SLC23A2: variants seen among roughly 807,000 people sequenced by gnomAD.
SLC23A2 encodes solute carrier family 23 member 2.
SLC23A2 carries 36 observed loss-of-function variants against 73.3 expected under a neutral mutation model. The observed-to-expected ratio is 0.49, with a 90% confidence interval of 0.38 to 0.65. SLC23A2 has a LOEUF of 0.65. Ranked by LOEUF, SLC23A2 falls within the 30% of genes least tolerant of loss-of-function variation. The probability of loss-of-function intolerance (pLI) is 0.00; values close to 1 mark genes in which losing one functional copy is unlikely to be tolerated. For synonymous variants in SLC23A2, 343 were observed against 327.3 expected (o/e 1.05, Z -0.52); for missense variants, 507 against 841.6 (o/e 0.60, Z 4.92).
intron 6 of SLC23A2, among the ~76,000 whole-genome samples, chr20:4,897,687 C>T (rs894228418): frequency 6.6e-6 from 1 of 152,138 alleles, no homozygotes; most frequent in Non-Finnish European, 1.5e-5. Context: ...CCCTCTGTGA[C>T]CAAAAGTATT....
intron 2 of SLC23A2, among the ~76,000 whole-genome samples, chr20:4,953,992 C>T (rs1274228063): frequency 6.6e-6 from 1 of 151,914 alleles, no homozygotes; most frequent in Non-Finnish European, 1.5e-5. Flanking sequence ...ATGTCAGACA[C>T]AGTGGAATTC....
At chr20:4,892,360 T>C (rs1931363569) in intron 6 of SLC23A2, among the ~76,000 whole-genome samples, 1 of 152,048 alleles carries the variant, frequency 6.6e-6, no homozygotes, top group Non-Finnish European at 1.5e-5. Context: ...CTAATTTCTG[T>C]ACTTTTAGTA....
At chr20:4,881,857 CCT>C (rs746150172) in intron 9 of SLC23A2, among the ~76,000 whole-genome samples, 14 of 152,126 alleles carry the variant, frequency 9.2e-5, no homozygotes, top group Non-Finnish European at 1.6e-4. Flanking sequence ...GTTTCAATTT[CCT>C]CTCTGAGAGT....
chr20:4,982,029 CT>C (rs1365132048), intron 1 of SLC23A2, among the ~76,000 whole-genome samples: 2 of 147,386 alleles, frequency 1.4e-5, no homozygotes, highest in African/African-American at 5.0e-5. Context: ...GAGTCTTGCT[CT>C]GTCACCCAGG....
intron 6 of SLC23A2, among the ~76,000 whole-genome samples, chr20:4,897,622 G>A (rs766399013): frequency 8.5e-5 from 13 of 152,146 alleles, no homozygotes; most frequent in Admixed American, 1.3e-4. Flanking sequence ...GGTGAACCAC[G>A]CTGACCCAGG....
At chr20:4,986,105 CA>C (rs1378991416) in intron 1 of SLC23A2, among the ~76,000 whole-genome samples, 1 of 152,082 alleles carries the variant, frequency 6.6e-6, no homozygotes, top group East Asian at 1.9e-4. Context: ...AGGTCTATAT[CA>C]ATTTAGGGCA....
At chr20:4,975,922 C>G (rs1003092529) in intron 1 of SLC23A2, among the ~76,000 whole-genome samples, 23 of 148,634 alleles carry the variant, frequency 1.5e-4, no homozygotes, top group African/African-American at 5.5e-4. Context: ...GGCGCGATCT[C>G]GGCTCACTGC....
At chr20:4,961,245 C>T (rs762201865) in intron 2 of SLC23A2, among the ~76,000 whole-genome samples, 1 of 151,950 alleles carries the variant, frequency 6.6e-6, no homozygotes, top group Non-Finnish European at 1.5e-5. Flanking sequence ...CCATGCCCAG[C>T]TAATTTTTTG....
intron 12 of SLC23A2, chr20:4,869,675 G>A: frequency 2.1e-6 from 1 of 481,188 alleles, no homozygotes; most frequent in East Asian, 3.3e-5. Context: ...AGGAAGGGTA[G>A]GAATTCCGTT....
intron 13 of SLC23A2, among the ~76,000 whole-genome samples, chr20:4,867,057 T>TA (rs71197732): frequency 0.48 from 36,827 of 76,366 alleles, 10,341 homozygotes; most frequent in Non-Finnish European, 0.59. Flanking sequence ...AAGCGATCCC[T>TA]AAAAAAAAAA....
chr20:4,870,073 A>G lies in SLC23A2; in HGVS notation c.1103-20T>C. The G allele has an allele frequency of 6.3e-7, 1 of 1,580,374 alleles. No individual in the cohort carries two copies. Among genetic ancestry groups the G allele is most frequent in the South Asian group, 1.2e-5 (1 of 85,872 alleles). ...ACTGAACTGTGGGAGGAAAACAACC[A>G]TGAATGCTCCTAGAGAGGCAGGCGA... On this transcript the variant is annotated intron_variant, in intron 11 of 16. Coordinates refer to ENST00000338244, the MANE Select transcript of SLC23A2 (RefSeq NM_005116.6).
intron 2 of SLC23A2, among the ~76,000 whole-genome samples, chr20:4,956,800 CTTTTTT>C (rs759658782): frequency 8.0e-5 from 9 of 111,934 alleles, no homozygotes; most frequent in African/African-American, 2.8e-4. Context: ...CTTCCCTCTT[CTTTTTT>C]TTTTTTTTTT....
intron 2 of SLC23A2, among the ~76,000 whole-genome samples, chr20:4,940,275 G>C (rs370135216): frequency 1.3e-5 from 2 of 151,706 alleles, no homozygotes; most frequent in Non-Finnish European, 2.9e-5. Flanking sequence ...AGATCATGCC[G>C]CTTCACTACA....
rs1314717939 is a variant in SLC23A2 at position 4,899,481 on chromosome 20, G to A, written c.482+74C>T. 3.4e-5 allele frequency: 51 copies of A among 1,507,122 alleles called. No homozygotes were observed. The highest frequency in any genetic ancestry group is 2.1e-4 in the Middle Eastern group (1 of 4,722). The allele number at this position is 1,507,122 out of a possible 1,614,324, so 93.4% of individuals were successfully genotyped here. The stretch of plus-strand genomic sequence containing the variant: ...TCCTTGCCAACAGCCCTAGGCAAAC[G>A]GCGCAGCTCAATGCCTTCTGCGCTC... On this transcript the variant is annotated intron_variant, in intron 6 of 16. Coordinates refer to ENST00000338244, the MANE Select transcript of SLC23A2 (RefSeq NM_005116.6). The surrounding 1 kb of genome is among the most constrained non-coding windows in gnomAD (Gnocchi z 4.9).
chr20:4,873,157 C>T (rs1289904213), intron 11 of SLC23A2, among the ~76,000 whole-genome samples: 2 of 152,190 alleles, frequency 1.3e-5, no homozygotes, highest in Non-Finnish European at 1.5e-5. Flanking sequence ...TTTAACCCAA[C>T]CTTAAAATTC....
At chr20:4,904,532 A>T (rs1173965550) in intron 4 of SLC23A2, among the ~76,000 whole-genome samples, 2 of 152,102 alleles carry the variant, frequency 1.3e-5, no homozygotes, top group Non-Finnish European at 2.9e-5. Flanking sequence ...CTCATAAATC[A>T]CAGAACCTGA....
At position 4,912,892 on chromosome 20, in the gene SLC23A2, G is replaced by T. The variant is rs772507490; in HGVS notation, c.195C>A (p.Gly65=). Reference sequence around the variant, plus strand: ...ACGGAAGGGGTACCTTTTCTGCAATGCCGTTTTCCGTAGTGTAGATCGCCA... The same window carrying T: ...ACGGAAGGGGTACCTTTTCTGCAATTCCGTTTTCCGTAGTGTAGATCGCCA... The part of the protein sequence containing the change: ...ELMAIYTTEN[G]IAEKSSLAET... Residue 65 remains glycine (G), a synonymous_variant, in exon 4 of 17, where the codon GGC becomes GGA. Transcript: ENST00000338244. 6.2e-7 allele frequency: 1 copy of T among 1,609,116 alleles called. No homozygotes were observed. Among genetic ancestry groups the T allele is most frequent in the South Asian group, 1.1e-5 (1 of 90,994 alleles).
upstream of SLC23A2, among the ~76,000 whole-genome samples, chr20:5,003,245 G>T (rs1051757343): frequency 3.9e-5 from 6 of 151,946 alleles, no homozygotes; most frequent in Non-Finnish European, 7.4e-5. Context: ...TTAGCCGGGC[G>T]TGGTGGCGGG....
At chr20:4,873,175 C>T (rs1219919064) in intron 11 of SLC23A2, among the ~76,000 whole-genome samples, 2 of 152,212 alleles carry the variant, frequency 1.3e-5, no homozygotes, top group African/African-American at 2.4e-5. Flanking sequence ...TTCTTGGCTT[C>T]TCTCTTTTTC....
Sources: gnomAD v4.1 joint callset for allele counts (sites outside exome capture counted in the v4.1 genomes callset) on GRCh38, gnomAD v4.1.1 for gene constraint, Gnocchi (gnomAD v3.1) non-coding constraint, MANE v1.5 for transcripts, NCBI Gene and HGNC (gene_info 2026-07-23, HGNC 2026-07-21) for gene names.